The following CFAP43 variants were observed in gnomAD, a reference collection of about 807,000 sequenced individuals.
CFAP43 encodes cilia and flagella associated protein 43, also known as cilia- and flagella-associated protein 43.
Under a neutral mutation model 218.9 loss-of-function variants are expected in CFAP43, and 155 were observed. The ratio of observed to expected loss-of-function variants is 0.71; its 90% CI spans 0.62 to 0.81. CFAP43 has a LOEUF of 0.81. CFAP43 is among the 30% of genes least tolerant of loss of function. CFAP43 has a pLI of 0.00. For synonymous variants in CFAP43, 645 were observed against 681.3 expected (o/e 0.95, Z 0.83); for missense variants, 1,778 against 1,954.3 (o/e 0.91, Z 1.70).
At chr10:104,223,391 T>C (rs1589816072) in intron 3 of CFAP43, among the ~76,000 whole-genome samples, 1 of 152,392 alleles carries the variant, frequency 6.6e-6, no homozygotes, top group South Asian at 2.1e-4. Context: ...CTATTAGGTA[T>C]GATGCATACT....
chr10:104,194,831 CAAGG>C (rs1733900465), intron 10 of CFAP43, among the ~76,000 whole-genome samples: 1 of 152,098 alleles, frequency 6.6e-6, no homozygotes, highest in African/African-American at 2.4e-5. Flanking sequence ...AAACACAGGC[CAAGG>C]AAGTCCAGCA....
intron 12 of CFAP43, among the ~76,000 whole-genome samples, chr10:104,191,789 TGGG>T (rs34617952): frequency 0.48 from 70,251 of 145,960 alleles, 17,516 homozygotes; most frequent in African/African-American, 0.65. Flanking sequence ...ATTGTGTGTG[TGGG>T]GGGGGGGAAA....
At chr10:104,152,269 G>A (rs559625696) in intron 28 of CFAP43, among the ~76,000 whole-genome samples, 1 of 152,244 alleles carries the variant, frequency 6.6e-6, no homozygotes, top group East Asian at 1.9e-4. Context: ...AAAAAATACA[G>A]TATATAATAG....
Position 104,145,553 on chromosome 10 carries a change from G to A in CFAP43, c.3867C>T (p.Arg1289=), listed in dbSNP as rs200749296. The stretch of plus-strand genomic sequence containing the variant: ...TTTCAGAAAATTCCTTTTTAAAGCT[G>A]CGATCCATAACCTAAGGACAAACAT... ...NLLAEDKVMD[R]SFKKEFSEIP... Residue 1289 remains arginine (R), a synonymous_variant, in exon 31 of 38, where the codon CGC becomes CGT. Transcript: ENST00000357060. The A allele has an allele frequency of 9.4e-6, 15 of 1,602,060 alleles. No homozygotes were observed. The Admixed American group carries it at 2.2e-4, about 23-fold the overall frequency.
Position 104,187,315 on chromosome 10 carries a change from CATACTT to C in CFAP43, c.1859_1860+4del. The C allele has an allele frequency of 6.3e-7, 1 of 1,592,414 alleles. No homozygotes were observed. Among genetic ancestry groups the C allele is most frequent in the East Asian group, 2.3e-5 (1 of 44,294 alleles). On this transcript the variant is annotated splice_donor_variant and splice_donor_region_variant and coding_sequence_variant and intron_variant, in exon 14 of 38. Coordinates refer to ENST00000357060, the MANE Select transcript of CFAP43 (RefSeq NM_025145.7). LOFTEE classifies it high-confidence loss of function. Reference sequence around the variant, plus strand: ...AAATGAGAGCACACTTAAGTGTTGACATACTTCTTCAGGAAGAAGGTAGCTACAGAT... The same window carrying C: ...AAATGAGAGCACACTTAAGTGTTGACCTTCAGGAAGAAGGTAGCTACAGAT...
chr10:104,192,367 T>C (rs1337539339), intron 11 of CFAP43, 65 bp from the exon 12 acceptor site: 4 of 1,207,564 alleles, frequency 3.3e-6, no homozygotes, highest in Non-Finnish European at 4.9e-6. Context: ...TGAACAAGTT[T>C]ATTGAATGGC....
At chr10:104,167,371 T>C (rs1030803314) in intron 22 of CFAP43, among the ~76,000 whole-genome samples, 1 of 152,184 alleles carries the variant, frequency 6.6e-6, no homozygotes, top group Non-Finnish European at 1.5e-5. Flanking sequence ...GAACACCAAA[T>C]CTCACTTTTT....
chr10:104,172,153 C>T (rs556231253), intron 20 of CFAP43, among the ~76,000 whole-genome samples: 3 of 152,192 alleles, frequency 2.0e-5, no homozygotes, highest in African/African-American at 4.8e-5. Flanking sequence ...AATGTTCAAA[C>T]GTATGGCTGG....
Position 104,170,962 on chromosome 10 carries a change from G to A in CFAP43, c.2586+1448C>T, listed in dbSNP as rs374373525. Among the ~76,000 whole-genome samples, 11 of 152,102 alleles carry A rather than the reference G, an allele frequency of 7.2e-5. No homozygotes were observed. The East Asian group carries it at 1.2e-3, about 16-fold the overall frequency. On this transcript the variant is annotated intron_variant, in intron 20 of 37. Coordinates refer to ENST00000357060, the MANE Select transcript of CFAP43 (RefSeq NM_025145.7). Reference sequence around the variant, plus strand: ...AATACTCCAAGCCATTTCTGCCTGTGGGCCTTTGCTCTTGCTGCTCCCTGT... The same window carrying A: ...AATACTCCAAGCCATTTCTGCCTGTAGGCCTTTGCTCTTGCTGCTCCCTGT...
intron 27 of CFAP43, among the ~76,000 whole-genome samples, chr10:104,157,771 TGTGTGAGAGAGAGAGA>T (rs1040579457): frequency 3.8e-5 from 4 of 106,036 alleles, no homozygotes. Context: ...TGTGTGTGTG[TGTGTGAGAGAGAGAGA>T]GAGAGAGAGA....
rs1437932262 is a variant in CFAP43 at position 104,161,113 on chromosome 10, T to G, written c.3464A>C (p.Glu1155Ala). 2.5e-6 allele frequency: 4 copies of G among 1,613,834 alleles called. No individual in the cohort carries two copies. The South Asian group carries it at 4.4e-5, about 18-fold the overall frequency. ...ATCTTTGAATTGTTTTCTTTCTTCT[T>G]CAGTCCACACAGCATCAGGTTTTGC... Reference protein sequence around the residue: ...FMAKPDAVWTEEERKQFKDYE... With the variant: ...FMAKPDAVWTAEERKQFKDYE... The change falls in exon 27 of 38, where the codon GAA becomes GCA. Residue 1155 changes from glutamate to alanine, a missense_variant. Physicochemically the swap from Glu to Ala is moderately radical, Grantham distance 107. This residue lies in a region of CFAP43 where 1,553 missense variants were observed against 1,685.2 expected (regional missense o/e 0.92). Transcript: ENST00000357060.
rs935064874 is a variant in CFAP43, at chr10:104,152,786, A to T, written c.3541-60T>A. The T allele has an allele frequency of 1.0e-5, 16 of 1,551,714 alleles. No individual in the cohort carries two copies. The Admixed American group carries it at 1.8e-4, about 18-fold the overall frequency. On this transcript the variant is annotated intron_variant, in intron 27 of 37. Transcript: ENST00000357060. ...GAGTATTAAAGGCTCCTAGGAAGTGATGTTTACATTTCACCACAAGGGAGG... is the reference window on the plus strand; with the variant it reads ...GAGTATTAAAGGCTCCTAGGAAGTGTTGTTTACATTTCACCACAAGGGAGG...
At chr10:104,164,836 A>G (rs909585291) in intron 23 of CFAP43, among the ~76,000 whole-genome samples, 5 of 152,246 alleles carry the variant, frequency 3.3e-5, no homozygotes, top group African/African-American at 1.2e-4. Flanking sequence ...TTAGACTATA[A>G]CCTACTTCCT....
intron 22 of CFAP43, 130 bp from the exon 23 acceptor site, chr10:104,166,848 G>A (rs1373597748): frequency 3.9e-6 from 3 of 766,056 alleles, no homozygotes; most frequent in Non-Finnish European, 6.3e-6. Context: ...AACTGAATTC[G>A]AAGTGATGAA....
chr10:104,221,625 G>C (rs2134999308), intron 3 of CFAP43, among the ~76,000 whole-genome samples: 1 of 152,286 alleles, frequency 6.6e-6, no homozygotes, highest in East Asian at 1.9e-4. Flanking sequence ...AAGCCACCCA[G>C]TCTATGGGAT....
chr10:104,218,551 C>A (rs576546468), intron 3 of CFAP43, among the ~76,000 whole-genome samples: 1 of 151,974 alleles, frequency 6.6e-6, no homozygotes, highest in South Asian at 2.1e-4. Flanking sequence ...AGAGTGGGCA[C>A]TAACATTTTT....
intron 8 of CFAP43, among the ~76,000 whole-genome samples, chr10:104,200,951 A>G (rs531663583): frequency 4.6e-5 from 7 of 152,214 alleles, no homozygotes; most frequent in Non-Finnish European, 1.0e-4. Flanking sequence ...TTTTTCTCAG[A>G]ATGACAGGAA....
At chr10:104,209,719 ATAC>A (rs2090795099) in intron 5 of CFAP43, among the ~76,000 whole-genome samples, 1 of 152,218 alleles carries the variant, frequency 6.6e-6, no homozygotes, top group African/African-American at 2.4e-5. Flanking sequence ...CTGGCACCAA[ATAC>A]TAAACATAGA....
intron 27 of CFAP43, among the ~76,000 whole-genome samples, chr10:104,154,331 T>C (rs1429986065): frequency 1.3e-5 from 2 of 152,198 alleles, no homozygotes; most frequent in Admixed American, 6.5e-5. Flanking sequence ...GGAAAGAGAC[T>C]GATTCCGGGA....
Sources: gnomAD v4.1 joint callset for allele counts (sites outside exome capture counted in the v4.1 genomes callset) on GRCh38, gnomAD v4.1.1 for gene constraint, gnomAD v4.1.1 regional missense constraint, MANE v1.5 for transcripts, NCBI Gene and HGNC (gene_info 2026-07-23, HGNC 2026-07-21) for gene names.